Variants in TARS1 observed in about 807,000 individuals in gnomAD.
TARS1 encodes the protein threonine--tRNA ligase 1, cytoplasmic.
In TARS1, 57 loss-of-function variants were observed where a neutral mutation model predicts 97.7. That is an observed-to-expected ratio of 0.58 (90% CI 0.47 to 0.73). The LOEUF is 0.73. Ranked by LOEUF, TARS1 falls within the 30% of genes least tolerant of loss-of-function variation. The pLI is 0.00. For synonymous variants in TARS1, 312 were observed against 293.7 expected, an observed-to-expected ratio of 1.06 and a Z score of -0.64; for missense variants, 806 against 888.3, an observed-to-expected ratio of 0.91 and a Z score of 1.18.
chr5:33,440,994 A>G lies in TARS1; in HGVS notation c.-93A>G. 2 of 1,538,078 alleles carry G rather than the reference A, an allele frequency of 1.3e-6. No homozygotes were observed. The highest frequency in any genetic ancestry group is 1.8e-6 in the Non-Finnish European group (2 of 1,118,406). On this transcript the variant is annotated 5_prime_UTR_variant, in exon 1 of 19. Coordinates refer to ENST00000265112, the MANE Select transcript of TARS1 (RefSeq NM_152295.5). ...GCATCAGCTGGTCCAGCCGAGGCCA[A>G]GTCCCGGGCGCTAGCCCACCTCCCA...
chr5:33,447,453 G>A (rs1288656452), intron 2 of TARS1, among the ~76,000 whole-genome samples: 1 of 152,056 alleles, frequency 6.6e-6, no homozygotes, highest in African/African-American at 2.4e-5. Flanking sequence ...TGCCATGTTG[G>A]CCAGGGTGGT....
rs1017801228 is a variant in TARS1, at chr5:33,459,099, TA to T, written c.1083+445del. 9.6e-3 allele frequency among the ~76,000 whole-genome samples: 1,437 copies of T among 150,406 alleles called. 32 individuals are homozygous for T. The highest frequency in any genetic ancestry group is 0.033 in the African/African-American group (1,360 of 41,140). On this transcript the variant is annotated intron_variant, in intron 10 of 18. Coordinates refer to ENST00000265112, the MANE Select transcript of TARS1 (RefSeq NM_152295.5). ...CTTGAGATTTTTTCATTCATGATAT[TA>T]AAAAAAAAATTAGTTGTTTAAAAAG...
chr5:33,449,620 T>A (rs58463740), intron 3 of TARS1, among the ~76,000 whole-genome samples: 29,138 of 151,000 alleles, frequency 0.19, 3,375 homozygotes, highest in African/African-American at 0.33. Flanking sequence ...CACGCCCGGC[T>A]AATTTTTTGT....
At chr5:33,443,320 CCTCTCTCTCTCTCTCTCT>C (rs769681224) in intron 1 of TARS1, among the ~76,000 whole-genome samples, 39 of 118,512 alleles carry the variant, frequency 3.3e-4, no homozygotes, top group Admixed American at 2.6e-3. Flanking sequence ...TCTCTCTCTC[CCTCTCTCTCTCTCTCTCT>C]CTCTCTCTCT....
chr5:33,462,793 G>T (rs1187183832), intron 16 of TARS1, among the ~76,000 whole-genome samples: 2 of 152,162 alleles, frequency 1.3e-5, no homozygotes, highest in Admixed American at 1.3e-4. Flanking sequence ...GCAGCACAGG[G>T]TTATAAAAGC....
chr5:33,445,731 T>A, intron 2 of TARS1, among the ~76,000 whole-genome samples: 1 of 152,330 alleles, frequency 6.6e-6, no homozygotes, highest in East Asian at 1.9e-4. Context: ...CTCTGACATT[T>A]CATTAAATGA....
intron 4 of TARS1, 66 bp downstream of exon 4, chr5:33,453,478 T>C: frequency 6.3e-7 from 1 of 1,589,880 alleles, no homozygotes; most frequent in South Asian, 1.1e-5. Flanking sequence ...CTTTTCCAGC[T>C]CAGTCCTGCT....
Position 33,459,761 on chromosome 5 carries a change from A to G in TARS1, c.1150A>G (p.Met384Val). Residue 384 changes from methionine (M) to valine (V), a missense_variant, in exon 11 of 19, where the codon ATG becomes GTG. This residue lies in a region of TARS1 where 446 missense variants were observed against 511.0 expected (regional missense o/e 0.87). Transcript: ENST00000265112. ...AAACATCTTCAACAGCCGACTCTGGATGACCTCGGGCCACTGGCAGCACTA... is the reference window on the plus strand; with the variant it reads ...AAACATCTTCAACAGCCGACTCTGGGTGACCTCGGGCCACTGGCAGCACTA... ...TPNIFNSRLW[M>V]TSGHWQHYSE... 6.2e-7 allele frequency: 1 copy of G among 1,614,152 alleles called. No individual in the cohort carries two copies. The highest frequency in any genetic ancestry group is 8.5e-7 in the Non-Finnish European group (1 of 1,180,018).
chr5:33,462,204 G>C lies in TARS1; in HGVS notation c.1835+1G>C. On this transcript the variant is annotated splice_donor_variant, in intron 16 of 18. Transcript: ENST00000265112. LOFTEE classifies it high-confidence loss of function. Reference sequence around the variant, plus strand: ...TCACAGAAAACTATGGGGGCAAATGGTAATTTTTGTCACTGTCTTTTTTTT... The same window carrying C: ...TCACAGAAAACTATGGGGGCAAATGCTAATTTTTGTCACTGTCTTTTTTTT... 6.2e-7 allele frequency: 1 copy of C among 1,609,486 alleles called. No individual in the cohort carries two copies. The highest frequency in any genetic ancestry group is 8.5e-7 in the Non-Finnish European group (1 of 1,178,612).
chr5:33,467,280 A>G (rs1401194922), intron 18 of TARS1, among the ~76,000 whole-genome samples: 1 of 152,102 alleles, frequency 6.6e-6, no homozygotes, highest in Non-Finnish European at 1.5e-5. Context: ...CTTTCTCAAG[A>G]TAATGCCTTA....
chr5:33,443,329 CT>C (rs1741226646), intron 1 of TARS1, among the ~76,000 whole-genome samples: 2 of 99,588 alleles, frequency 2.0e-5, no homozygotes, highest in Admixed American at 8.7e-5. Context: ...CCCTCTCTCT[CT>C]CTCTCTCTCT....
intron 5 of TARS1, 42 bp downstream of exon 5, chr5:33,455,108 A>G (rs758345560): frequency 3.7e-6 from 6 of 1,608,376 alleles, no homozygotes; most frequent in East Asian, 2.2e-5. Flanking sequence ...GTCAATGACT[A>G]TGGATCCATA....
At chr5:33,461,540 G>A (rs925955494) in intron 13 of TARS1, 127 bp from the exon 14 acceptor site, 2 of 1,075,468 alleles carry the variant, frequency 1.9e-6, no homozygotes, top group East Asian at 5.1e-5. Context: ...ATATGTTCAG[G>A]TGGACAAAAT....
intron 2 of TARS1, among the ~76,000 whole-genome samples, chr5:33,447,270 A>G (rs1741464960): frequency 6.6e-6 from 1 of 152,106 alleles, no homozygotes; most frequent in Admixed American, 6.6e-5. Flanking sequence ...TGTTTGAGAC[A>G]AGGTCTCACT....
At position 33,449,445 on chromosome 5, in the gene TARS1, C is replaced by CTTTTTTTT. The variant is rs57691465; in HGVS notation, c.329+732_329+739dup. Reference sequence around the variant, plus strand: ...AATAAAAATGATTCTTTTTTTCTTTCTTTTTTTTTTTTTTTTTTTTTTTTT... The same window carrying CTTTTTTTT: ...AATAAAAATGATTCTTTTTTTCTTTCTTTTTTTTTTTTTTTTTTTTTTTTTTTTTTTTT... On this transcript the variant is annotated intron_variant, in intron 3 of 18. Coordinates refer to ENST00000265112, the MANE Select transcript of TARS1 (RefSeq NM_152295.5). Among the ~76,000 whole-genome samples, 52 of 69,160 alleles carry CTTTTTTTT rather than the reference C, an allele frequency of 7.5e-4. 1 individual carries two copies. Among genetic ancestry groups the CTTTTTTTT allele is most frequent in the East Asian group, 3.2e-3 (7 of 2,200 alleles). The allele number at this position is 69,160 out of a possible 152,430, so 45.4% of individuals were successfully genotyped here. A position where few individuals can be genotyped will look rare whatever the true frequency, so the allele number is the denominator to read the frequency against.
chr5:33,463,631 G>T (rs79338682), intron 16 of TARS1, 122 bp from the exon 17 acceptor site: 37,668 of 870,478 alleles, frequency 0.043, 1,002 homozygotes, highest in Non-Finnish European at 0.049. Flanking sequence ...TTAAAGCCAA[G>T]TTTTAAAAGT....
chr5:33,445,307 GT>G lies in TARS1; in HGVS notation c.58-11del. On this transcript the variant is annotated splice_polypyrimidine_tract_variant and intron_variant, in intron 1 of 18. Coordinates refer to ENST00000265112, the MANE Select transcript of TARS1 (RefSeq NM_152295.5). ...GTCACATTAGATTAAAATATAAAAC[GT>G]TTTTTGCTTATTTAGATTGGTGCTG... The G allele has an allele frequency of 6.2e-7, 1 of 1,600,232 alleles. No homozygotes were observed. Among genetic ancestry groups the G allele is most frequent in the East Asian group, 2.3e-5 (1 of 43,956 alleles).
At chr5:33,448,772 C>T in intron 3 of TARS1, 41 bp downstream of exon 3, 1 of 1,392,088 alleles carries the variant, frequency 7.2e-7, no homozygotes, top group Non-Finnish European at 9.6e-7. Flanking sequence ...AGTTTGTGGT[C>T]TAACTAAACT....
intron 17 of TARS1, 29 bp downstream of exon 17, chr5:33,463,854 A>G (rs1289281283): frequency 6.3e-7 from 1 of 1,580,138 alleles, no homozygotes; most frequent in Non-Finnish European, 8.7e-7. Context: ...TTTTCTTTCA[A>G]TTTAACATCT....
Sources: gnomAD v4.1 joint callset for allele counts (sites outside exome capture counted in the v4.1 genomes callset) on GRCh38, gnomAD v4.1.1 for gene constraint, gnomAD v4.1.1 regional missense constraint, MANE v1.5 for transcripts, NCBI Gene and HGNC (gene_info 2026-07-23, HGNC 2026-07-21) for gene names.